The following HDAC9 variants were observed in gnomAD, a reference collection of about 807,000 sequenced individuals.
The protein encoded by HDAC9 is histone deacetylase 9, also known as MEF-2 interacting transcription repressor (MITR) protein.
A neutral mutation model predicts 139.4 loss-of-function variants in HDAC9; 41 were observed. That is an observed-to-expected ratio of 0.29 (90% CI 0.23 to 0.38). HDAC9 has a LOEUF of 0.38. Ranked by LOEUF, HDAC9 falls within the 10% of genes least tolerant of loss-of-function variation. The pLI, the probability that HDAC9 is intolerant of heterozygous loss-of-function variation, is 1.00. For missense variants in HDAC9, 1,147 were observed against 1,297.0 expected, an observed-to-expected ratio of 0.88 and a Z score of 1.78; for synonymous variants, 517 against 476.2, an observed-to-expected ratio of 1.09 and a Z score of -1.12.
intron 22 of HDAC9, among the ~76,000 whole-genome samples, chr7:18,876,522 T>C (rs1799331441): frequency 1.3e-5 from 2 of 152,152 alleles, no homozygotes; most frequent in South Asian, 4.1e-4. Context: ...TCTAAACAGA[T>C]TGTAGTTGAA....
chr7:18,220,229 A>T (rs986284050), intron 2 of HDAC9, among the ~76,000 whole-genome samples: 6 of 152,160 alleles, frequency 3.9e-5, no homozygotes, highest in Non-Finnish European at 7.4e-5. Flanking sequence ...ATGTGATGGG[A>T]GGGAGGGGAA....
At chr7:18,925,051 CA>C (rs1804095042) in intron 22 of HDAC9, among the ~76,000 whole-genome samples, 1 of 151,954 alleles carries the variant, frequency 6.6e-6, no homozygotes, top group Non-Finnish European at 1.5e-5. Context: ...GAAAAAATAG[CA>C]AAAAAATCGA....
chr7:18,585,111 T>A (rs892675845), intron 2 of HDAC9, among the ~76,000 whole-genome samples, 170 bp from the exon 3 acceptor site: 1 of 152,230 alleles, frequency 6.6e-6, no homozygotes, highest in Non-Finnish European at 1.5e-5. Context: ...TTATCAAAAC[T>A]AATGTACAAA....
chr7:18,533,425 A>G (rs1438915288), intron 2 of HDAC9, among the ~76,000 whole-genome samples: 3 of 152,028 alleles, frequency 2.0e-5, no homozygotes, highest in Non-Finnish European at 4.4e-5. Context: ...ACAATAGCTT[A>G]TATTTGTTGA....
At chr7:18,761,067 C>T (rs2129156052) in intron 14 of HDAC9, among the ~76,000 whole-genome samples, 1 of 152,326 alleles carries the variant, frequency 6.6e-6, no homozygotes, top group Middle Eastern at 3.4e-3. Context: ...TCAATATTAA[C>T]TTACAGCTGC....
At chr7:18,959,582 T>G (rs1432583250) in intron 24 of HDAC9, among the ~76,000 whole-genome samples, 1 of 152,130 alleles carries the variant, frequency 6.6e-6, no homozygotes, top group Non-Finnish European at 1.5e-5. Flanking sequence ...ATGATACGAA[T>G]TCCATCGTAA....
intron 17 of HDAC9, among the ~76,000 whole-genome samples, chr7:18,797,095 A>G (rs1336343572): frequency 6.6e-6 from 1 of 152,218 alleles, no homozygotes; most frequent in Admixed American, 6.5e-5. Flanking sequence ...GCCAGTTTAT[A>G]TGTAATTTAC....
At chr7:18,593,808 CA>C in intron 5 of HDAC9, 99 bp from the exon 6 acceptor site, 2 of 1,269,990 alleles carry the variant, frequency 1.6e-6, no homozygotes, top group Non-Finnish European at 2.3e-6. Context: ...AGAGCATAAA[CA>C]TAGCTGAGGC....
intron 1 of HDAC9, among the ~76,000 whole-genome samples, chr7:18,299,427 C>T (rs955829587): frequency 1.3e-5 from 2 of 151,946 alleles, no homozygotes; most frequent in Non-Finnish European, 2.9e-5. Flanking sequence ...TTTTTCCTAG[C>T]ACTTCTGCTT....
At chr7:18,875,836 A>G (rs923795282) in intron 22 of HDAC9, among the ~76,000 whole-genome samples, 11 of 152,180 alleles carry the variant, frequency 7.2e-5, no homozygotes, top group African/African-American at 2.7e-4. Context: ...CAGAACTGGT[A>G]AACAGTTGTC....
chr7:18,809,750 C>T (rs1794025818), intron 17 of HDAC9, among the ~76,000 whole-genome samples: 1 of 151,774 alleles, frequency 6.6e-6, no homozygotes, highest in African/African-American at 2.4e-5. Context: ...GAAAAGGGAA[C>T]AATGTTACAC....
intron 2 of HDAC9, among the ~76,000 whole-genome samples, chr7:18,183,590 T>G (rs907881206): frequency 3.9e-5 from 6 of 152,334 alleles, no homozygotes; most frequent in Admixed American, 3.9e-4. Context: ...TATCCTAGCA[T>G]AAGAAGATTG....
chr7:18,391,092 G>A (rs1461209097), intron 1 of HDAC9, among the ~76,000 whole-genome samples: 1 of 152,004 alleles, frequency 6.6e-6, no homozygotes, highest in Non-Finnish European at 1.5e-5. Flanking sequence ...CCATCTCAAA[G>A]AACAAAGTTC....
intron 16 of HDAC9, among the ~76,000 whole-genome samples, chr7:18,789,191 G>T (rs925284542): frequency 6.6e-5 from 10 of 151,450 alleles, no homozygotes; most frequent in African/African-American, 2.4e-4. Context: ...ATCCTGTTTT[G>T]GTCATCATTT....
At chr7:18,131,498 A>C (rs185574394) in intron 1 of HDAC9, among the ~76,000 whole-genome samples, 16 of 152,320 alleles carry the variant, frequency 1.1e-4, no homozygotes, top group Admixed American at 1.0e-3. Flanking sequence ...AGAAGTATTA[A>C]TAATCTTCAT....
chr7:18,511,132 C>G lies in HDAC9; in HGVS notation c.22+14808C>G, dbSNP rs980769883. On this transcript the variant is annotated intron_variant, in intron 2 of 25. Transcript: ENST00000686413. The stretch of plus-strand genomic sequence containing the variant: ...CCAATTAGGCTTTCTTATCATTGTT[C>G]ATTTGTTTGCTAAAAGATGAACATA... Among the ~76,000 whole-genome samples the G allele has an allele frequency of 7.2e-5, 11 of 152,182 alleles. No homozygotes were observed. In the South Asian group the frequency reaches 8.3e-4, roughly 12 times the overall value.
intron 1 of HDAC9, among the ~76,000 whole-genome samples, chr7:18,326,515 A>G (rs1332393812): frequency 1.3e-5 from 2 of 151,974 alleles, no homozygotes; most frequent in African/African-American, 4.8e-5. Flanking sequence ...CACCACTTAT[A>G]TATTTTTGAT....
intron 22 of HDAC9, among the ~76,000 whole-genome samples, chr7:18,888,966 G>T (rs13235810): frequency 0.033 from 4,991 of 152,182 alleles, 165 homozygotes; most frequent in African/African-American, 0.089. Context: ...ATAAGCTACA[G>T]AAATTACCTA....
At chr7:18,468,248 G>A (rs940000329) in intron 1 of HDAC9, among the ~76,000 whole-genome samples, 4 of 152,078 alleles carry the variant, frequency 2.6e-5, no homozygotes, top group African/African-American at 4.8e-5. Context: ...CTTGAGAAGA[G>A]GGTATCTACA....
Sources: gnomAD v4.1 joint callset for allele counts (sites outside exome capture counted in the v4.1 genomes callset) on GRCh38, gnomAD v4.1.1 for gene constraint, MANE v1.5 for transcripts, NCBI Gene and HGNC (gene_info 2026-07-23, HGNC 2026-07-21) for gene names.